PSIP1: variants seen among roughly 807,000 people sequenced by gnomAD.
PSIP1 encodes PC4 and SRSF1 interacting protein 1.
PSIP1 carries 19 observed loss-of-function variants against 74.7 expected under a neutral mutation model. The observed-to-expected ratio is 0.25, with a 90% CI of 0.18 to 0.37. PSIP1 has a LOEUF of 0.37. Among genes scored for constraint, PSIP1 ranks in the 10% least tolerant of loss-of-function variants. The probability of loss-of-function intolerance (pLI) is 1.00; values close to 1 mark genes in which losing one functional copy is unlikely to be tolerated. For synonymous variants in PSIP1, 222 were observed against 195.3 expected (o/e 1.14, Z -1.14); for missense variants, 601 against 614.3 (o/e 0.98, Z 0.23).
rs1443403332 is a variant in PSIP1 at position 15,465,319 on chromosome 9, T to C, written c.*201A>G. On this transcript the variant is annotated 3_prime_UTR_variant, in exon 16 of 16. Transcript: ENST00000380733. ...TAAATGGATTTTATCCCACATTTAC[T>C]GTATAATGTAGCTGTTAATACTGCA... 8.3e-6 allele frequency: 4 copies of C among 482,588 alleles called. No individual in the cohort carries two copies. Among genetic ancestry groups the C allele is most frequent in the East Asian group, 3.5e-5 (1 of 28,868 alleles). 29.9% of individuals were successfully genotyped at this position (482,588 alleles called of 1,614,324 possible).
intron 6 of PSIP1, among the ~76,000 whole-genome samples, chr9:15,480,598 G>T (rs2036294543): frequency 6.6e-6 from 1 of 152,180 alleles, no homozygotes; most frequent in South Asian, 2.1e-4. Context: ...ACATAATTAT[G>T]AATGAGTATT....
Position 15,472,673 on chromosome 9 carries a change from T to A in PSIP1, c.936A>T (p.Ala312=). 6.2e-7 allele frequency: 1 copy of A among 1,607,716 alleles called. No individual in the cohort carries two copies. Among genetic ancestry groups the A allele is most frequent in the Non-Finnish European group, 8.5e-7 (1 of 1,178,550 alleles). ...GTTCCTCTTGCTTGCGTTTTCGATC[T>A]GCTGCTTCTTTCTCATGTTGGCCTT... ...MLKGQHEKEA[A]DRKRKQEEQM... is the part of the protein sequence containing the mutation. The change falls in exon 10 of 16, where the codon GCA becomes GCT. Residue 312 remains alanine (A), a synonymous_variant. Transcript: ENST00000380733.
intron 6 of PSIP1, among the ~76,000 whole-genome samples, chr9:15,481,192 G>A (rs17337140): frequency 0.073 from 11,150 of 152,208 alleles, 578 homozygotes; most frequent in Non-Finnish European, 0.11. Flanking sequence ...ATAGCTCTGA[G>A]TCAGGGAACC....
intron 3 of PSIP1, 119 bp downstream of exon 3, chr9:15,506,442 A>G: frequency 1.5e-6 from 1 of 672,700 alleles, no homozygotes; most frequent in Admixed American, 2.7e-5. Flanking sequence ...GACTCTTTCC[A>G]AAGTTCAAAG....
At chr9:15,479,372 CTAT>C (rs1184484383) in intron 7 of PSIP1, among the ~76,000 whole-genome samples, 2 of 152,144 alleles carry the variant, frequency 1.3e-5, no homozygotes, top group Non-Finnish European at 2.9e-5. Context: ...TCTCTTACCA[CTAT>C]TTAGGGAAAA....
At chr9:15,484,303 A>AAAT (rs1563880194) in intron 6 of PSIP1, among the ~76,000 whole-genome samples, 1 of 150,796 alleles carries the variant, frequency 6.6e-6, no homozygotes, top group African/African-American at 2.4e-5. Context: ...CAAAAAAAAA[A>AAAT]ATATATATAT....
At chr9:15,509,162 A>G (rs1257187650) in intron 2 of PSIP1, among the ~76,000 whole-genome samples, 1 of 152,234 alleles carries the variant, frequency 6.6e-6, no homozygotes, top group Non-Finnish European at 1.5e-5. Flanking sequence ...TTTTTAAGAA[A>G]TACATTTTCA....
At chr9:15,489,102 A>G (rs2036705665) in intron 4 of PSIP1, among the ~76,000 whole-genome samples, 1 of 152,214 alleles carries the variant, frequency 6.6e-6, no homozygotes, top group Non-Finnish European at 1.5e-5. Context: ...TAGGATAAAA[A>G]CAATACAAAT....
intron 3 of PSIP1, among the ~76,000 whole-genome samples, chr9:15,495,838 T>A (rs2037049360): frequency 6.6e-6 from 1 of 152,364 alleles, no homozygotes; most frequent in South Asian, 2.1e-4. Context: ...ACTAAGTTTC[T>A]CTGGCTGGAC....
chr9:15,487,054 G>A (rs2036587426), intron 4 of PSIP1, 123 bp from the exon 5 acceptor site: 2 of 549,208 alleles, frequency 3.6e-6, no homozygotes, highest in African/African-American at 2.0e-5. Context: ...GCTGGAGGCA[G>A]TGGCGCAATT....
intron 6 of PSIP1, among the ~76,000 whole-genome samples, chr9:15,481,887 A>G (rs1322251851): frequency 1.3e-5 from 2 of 152,192 alleles, no homozygotes; most frequent in East Asian, 1.9e-4. Flanking sequence ...AGAATAATAA[A>G]TATTTTATCT....
chr9:15,484,850 T>C (rs995007883), intron 6 of PSIP1, among the ~76,000 whole-genome samples: 5 of 147,072 alleles, frequency 3.4e-5, no homozygotes, highest in African/African-American at 7.6e-5. Context: ...GAGGTGGAGG[T>C]TGCAGTGAGC....
rs1563896308 is a variant in PSIP1 at position 15,500,378 on chromosome 9, T to C, written c.149+6183A>G. ...TACTTGGGAGGCTGAGGCAGGAGAA[T>C]GACATGAACCCAGGAGGCAGACCTT... is the stretch of plus-strand genomic sequence containing the variant. On this transcript the variant is annotated intron_variant, in intron 3 of 15. Coordinates refer to ENST00000380733, the MANE Select transcript of PSIP1 (RefSeq NM_033222.5). 2.6e-5 allele frequency among the ~76,000 whole-genome samples: 4 copies of C among 151,926 alleles called. No homozygotes were observed. The East Asian group carries it at 5.8e-4, about 22-fold the overall frequency.
chr9:15,491,340 G>A (rs747043023), intron 3 of PSIP1, among the ~76,000 whole-genome samples: 14 of 152,332 alleles, frequency 9.2e-5, no homozygotes, highest in Admixed American at 1.3e-4. Flanking sequence ...TACAGTATGA[G>A]TGCTGAAAAA....
intron 6 of PSIP1, among the ~76,000 whole-genome samples, chr9:15,481,550 G>A (rs981596281): frequency 2.0e-5 from 3 of 152,126 alleles, no homozygotes; most frequent in Admixed American, 2.0e-4. Flanking sequence ...ACAAAAATAA[G>A]TCAGGCACCT....
At chr9:15,481,364 T>G (rs950240496) in intron 6 of PSIP1, among the ~76,000 whole-genome samples, 5 of 152,234 alleles carry the variant, frequency 3.3e-5, no homozygotes. Flanking sequence ...ACTTACACTT[T>G]CTGCTTTTGG....
chr9:15,469,365 G>C (rs373677052), intron 11 of PSIP1, 29 bp from the exon 12 acceptor site: 61 of 1,423,726 alleles, frequency 4.3e-5, no homozygotes, highest in Non-Finnish European at 5.6e-5. Context: ...GAAAAACAGT[G>C]AACAGTTTTT....
intron 8 of PSIP1, 62 bp downstream of exon 8, chr9:15,478,415 T>C (rs1035108910): frequency 1.2e-5 from 14 of 1,206,876 alleles, no homozygotes; most frequent in Non-Finnish European, 1.5e-5. Flanking sequence ...CGCAGAGATA[T>C]GTGCTTGTTT....
intron 8 of PSIP1, among the ~76,000 whole-genome samples, chr9:15,476,499 A>G (rs867452473): frequency 2.6e-5 from 4 of 152,206 alleles, no homozygotes; most frequent in African/African-American, 9.6e-5. Flanking sequence ...TTCAAAAAAG[A>G]TTAGCCTATT....
Sources: gnomAD v4.1 joint callset for allele counts (sites outside exome capture counted in the v4.1 genomes callset) on GRCh38, gnomAD v4.1.1 for gene constraint, MANE v1.5 for transcripts, NCBI Gene and HGNC (gene_info 2026-07-23, HGNC 2026-07-21) for gene names.